The following ABTB2 variants were observed in gnomAD, a reference collection of about 807,000 sequenced individuals.
ABTB2 encodes ankyrin repeat and BTB/POZ domain-containing protein 2.
In ABTB2, 56 loss-of-function variants were observed where a neutral mutation model predicts 104.1. That is an observed-to-expected ratio of 0.54 (90% confidence interval 0.43 to 0.67). The LOEUF is 0.67. ABTB2 is among the 30% of genes least tolerant of loss of function. The probability of loss-of-function intolerance (pLI) is 0.00; values close to 1 mark genes in which losing one functional copy is unlikely to be tolerated. For synonymous variants in ABTB2, 606 were observed against 608.2 expected (o/e 1.00, Z 0.05); for missense variants, 1,279 against 1,407.7 (o/e 0.91, Z 1.46).
intron 1 of ABTB2, among the ~76,000 whole-genome samples, chr11:34,223,425 T>A (rs1176250501): frequency 6.6e-6 from 1 of 152,076 alleles, no homozygotes; most frequent in Non-Finnish European, 1.5e-5. Flanking sequence ...TGATTTGGAG[T>A]CTCCCCTGCG....
chr11:34,253,426 C>A (rs972053364), intron 1 of ABTB2, among the ~76,000 whole-genome samples: 2 of 151,734 alleles, frequency 1.3e-5, no homozygotes, highest in African/African-American at 4.8e-5. Flanking sequence ...GCCTGTAATC[C>A]CAGCACTTTG....
At chr11:34,177,978 C>T (rs1326241438) in intron 3 of ABTB2, among the ~76,000 whole-genome samples, 2 of 152,170 alleles carry the variant, frequency 1.3e-5, no homozygotes, top group South Asian at 2.1e-4. Context: ...TGGGCGAGTT[C>T]GTCATTCCTG....
intron 1 of ABTB2, among the ~76,000 whole-genome samples, chr11:34,346,070 C>T (rs906441150): frequency 2.6e-5 from 4 of 152,138 alleles, no homozygotes; most frequent in Non-Finnish European, 5.9e-5. Context: ...GAGCATGGAG[C>T]TCCATGTCTC....
chr11:34,197,077 G>C (rs551522978), intron 3 of ABTB2, among the ~76,000 whole-genome samples: 17 of 152,182 alleles, frequency 1.1e-4, no homozygotes, highest in Non-Finnish European at 2.4e-4. Flanking sequence ...TGGGCACAGA[G>C]GCAGAAGCAC....
intron 3 of ABTB2, among the ~76,000 whole-genome samples, chr11:34,181,470 G>T (rs1853025137): frequency 2.6e-5 from 4 of 152,162 alleles, no homozygotes. Flanking sequence ...CATGACCCGG[G>T]CCCCAAGCAC....
chr11:34,314,895 A>G (rs1245166225), intron 1 of ABTB2, among the ~76,000 whole-genome samples: 4 of 152,162 alleles, frequency 2.6e-5, no homozygotes, highest in Non-Finnish European at 5.9e-5. Flanking sequence ...CCCTGTTCTG[A>G]GAGGCTGAGG....
intron 1 of ABTB2, among the ~76,000 whole-genome samples, chr11:34,340,040 C>A (rs922176942): frequency 7.4e-6 from 1 of 134,498 alleles, no homozygotes; most frequent in South Asian, 2.3e-4. Context: ...GCCCCACCAT[C>A]CTCCAAACAA....
At chr11:34,172,303 CAG>C (rs1852884445) in intron 4 of ABTB2, among the ~76,000 whole-genome samples, 1 of 131,732 alleles carries the variant, frequency 7.6e-6, no homozygotes, top group Non-Finnish European at 1.6e-5. Context: ...ACCCAGGAGG[CAG>C]AGATTTCAGA....
At chr11:34,269,134 G>A (rs1854284090) in intron 1 of ABTB2, among the ~76,000 whole-genome samples, 1 of 152,180 alleles carries the variant, frequency 6.6e-6, no homozygotes, top group Non-Finnish European at 1.5e-5. Context: ...GAACACGATG[G>A]AGAAATGCCC....
chr11:34,273,882 G>A (rs1399066138), intron 1 of ABTB2, among the ~76,000 whole-genome samples: 2 of 152,028 alleles, frequency 1.3e-5, no homozygotes, highest in South Asian at 4.2e-4. Flanking sequence ...GCCGGGCGCG[G>A]TGGCTCACGC....
Position 34,160,323 on chromosome 11 carries a change from T to C in ABTB2, c.2428A>G (p.Ile810Val). The C allele has an allele frequency of 1.2e-6, 2 of 1,614,044 alleles. No homozygotes were observed. Among genetic ancestry groups the C allele is most frequent in the East Asian group, 2.2e-5 (1 of 44,848 alleles). Residue 810 changes from isoleucine (I) to valine (V), a missense_variant, in exon 12 of 17, where the codon ATC (isoleucine) becomes GTC (valine). Ile to Val is a conservative substitution (Grantham distance 29). Coordinates refer to ENST00000435224, the MANE Select transcript of ABTB2 (RefSeq NM_145804.3). ...CTGCTGCCATAGCAGTGGGTGAAGA[T>C]GGTAGCCAGTTGCTGGATGACGGAG... ...NDSVIQQLAT[I>V]FTHCYGSSPI...
intron 1 of ABTB2, among the ~76,000 whole-genome samples, chr11:34,229,802 T>C (rs1853745417): frequency 6.6e-6 from 1 of 152,364 alleles, no homozygotes; most frequent in African/African-American, 2.4e-5. Flanking sequence ...GTATTGATAC[T>C]TGTTAAATAT....
chr11:34,356,846 C>T lies in ABTB2; in HGVS notation c.738G>A (p.Val246=). The part of the protein sequence containing the change: ...ENLVEEIRAR[V]MASHSPDGGG... ...CGCCATCAGGGCTGTGGCTGGCCAT[C>T]ACCCTGGCCCGGATCTCCTCCACCA... The change falls in exon 1 of 17, where the codon GTG becomes GTA. Residue 246 remains valine (V), a synonymous_variant. Transcript: ENST00000435224. The surrounding 1 kb of genome is among the most constrained non-coding windows in gnomAD (Gnocchi z 4.6). 3.1e-6 allele frequency: 5 copies of T among 1,604,918 alleles called. No homozygotes were observed. The highest frequency in any genetic ancestry group is 3.4e-6 in the Non-Finnish European group (4 of 1,175,918).
intron 1 of ABTB2, among the ~76,000 whole-genome samples, chr11:34,316,689 T>TA (rs897585651): frequency 5.9e-5 from 9 of 151,624 alleles, no homozygotes; most frequent in South Asian, 4.2e-4. Context: ...AATATGTTTT[T>TA]AAAAAAAAAT....
chr11:34,264,994 T>C (rs1854230770), intron 1 of ABTB2, among the ~76,000 whole-genome samples: 1 of 152,246 alleles, frequency 6.6e-6, no homozygotes, highest in Non-Finnish European at 1.5e-5. Context: ...AGATGTGCAT[T>C]GCAGAACCAT....
At chr11:34,317,859 G>A (rs1854956319) in intron 1 of ABTB2, among the ~76,000 whole-genome samples, 3 of 151,832 alleles carry the variant, frequency 2.0e-5, no homozygotes, top group Non-Finnish European at 4.4e-5. Context: ...ACACATAATG[G>A]TGGGGATTGG....
chr11:34,288,342 T>C (rs1201817307), intron 1 of ABTB2, among the ~76,000 whole-genome samples: 1 of 152,188 alleles, frequency 6.6e-6, no homozygotes, highest in Non-Finnish European at 1.5e-5. Context: ...TCTTACTTTT[T>C]CTTCACGAAT....
rs147042540 is a variant in ABTB2 at position 34,170,783 on chromosome 11, C to T, written c.1563+123G>A. Reference sequence around the variant, plus strand: ...CAGGGCAGGATTCAGGGAGGTAGCCCGCCTTTTCGAAGTACAGAGCTGAGC... The same window carrying T: ...CAGGGCAGGATTCAGGGAGGTAGCCTGCCTTTTCGAAGTACAGAGCTGAGC... On this transcript the variant is annotated intron_variant, in intron 5 of 16. Coordinates refer to ENST00000435224, the MANE Select transcript of ABTB2 (RefSeq NM_145804.3). The T allele has an allele frequency of 2.2e-3, 2,693 of 1,219,164 alleles. 9 individuals are homozygous for T. The highest frequency in any genetic ancestry group is 6.7e-3 in the Middle Eastern group (24 of 3,568). The allele number at this position is 1,219,164 out of a possible 1,614,324, so 75.5% of individuals were successfully genotyped here.
intron 1 of ABTB2, among the ~76,000 whole-genome samples, chr11:34,292,786 C>T (rs1366825080): frequency 6.6e-6 from 1 of 152,020 alleles, no homozygotes; most frequent in East Asian, 1.9e-4. Context: ...CAGAGACTTG[C>T]ACTAAGTCAG....
Sources: gnomAD v4.1 joint callset for allele counts (sites outside exome capture counted in the v4.1 genomes callset) on GRCh38, gnomAD v4.1.1 for gene constraint, Gnocchi (gnomAD v3.1) non-coding constraint, MANE v1.5 for transcripts, NCBI Gene and HGNC (gene_info 2026-07-23, HGNC 2026-07-21) for gene names.